Variants in STOM observed in about 807,000 individuals in gnomAD.
STOM encodes the protein stomatin.
Under a neutral mutation model 30.6 loss-of-function variants are expected in STOM, and 25 were observed. The ratio of observed to expected loss-of-function variants is 0.82; its 90% CI spans 0.60 to 1.14. The LOEUF is 1.14. STOM is among the 50% of genes most tolerant of loss of function. The pLI, the probability that STOM is intolerant of heterozygous loss-of-function variation, is 0.00. For missense variants in STOM, 292 were observed against 365.2 expected, an observed-to-expected ratio of 0.80 and a Z score of 1.63; for synonymous variants, 118 against 130.8, an observed-to-expected ratio of 0.90 and a Z score of 0.67.
At chr9:121,368,909 G>A (rs1449347921) in intron 1 of STOM, among the ~76,000 whole-genome samples, 2 of 148,792 alleles carry the variant, frequency 1.3e-5, no homozygotes, top group African/African-American at 5.0e-5. Context: ...TCCAGCCTGG[G>A]CAAGAAAAGC....
intron 1 of STOM, among the ~76,000 whole-genome samples, chr9:121,358,199 G>A (rs1382348911): frequency 6.6e-6 from 1 of 152,014 alleles, no homozygotes; most frequent in Non-Finnish European, 1.5e-5. Context: ...GCTCACGCCT[G>A]TAATCCCAGC....
At chr9:121,352,636 C>T (rs1238678579) in intron 4 of STOM, among the ~76,000 whole-genome samples, 1 of 152,188 alleles carries the variant, frequency 6.6e-6, no homozygotes, top group Admixed American at 6.5e-5. Context: ...TCAGCCATTG[C>T]TCTAAGCACT....
intron 1 of STOM, among the ~76,000 whole-genome samples, chr9:121,368,580 T>C (rs1488598546): frequency 2.0e-5 from 3 of 152,304 alleles, no homozygotes; most frequent in South Asian, 2.1e-4. Context: ...TCAAGTATAA[T>C]ATGGGGATAA....
At chr9:121,369,392 C>T (rs1445096294) in intron 1 of STOM, among the ~76,000 whole-genome samples, 3 of 152,072 alleles carry the variant, frequency 2.0e-5, no homozygotes, top group African/African-American at 7.2e-5. Context: ...TTTATTGGAA[C>T]CCCCTCCCCA....
At chr9:121,369,043 A>C (rs2064534487) in intron 1 of STOM, among the ~76,000 whole-genome samples, 1 of 152,220 alleles carries the variant, frequency 6.6e-6, no homozygotes, top group Non-Finnish European at 1.5e-5. Flanking sequence ...CCATTTGGGA[A>C]GATAACCTGC....
At chr9:121,357,736 C>T (rs545131008) in intron 1 of STOM, among the ~76,000 whole-genome samples, 7 of 152,056 alleles carry the variant, frequency 4.6e-5, no homozygotes, top group African/African-American at 1.7e-4. Context: ...CTGCGCCCGG[C>T]CTTAAATCAT....
At chr9:121,361,145 T>A (rs568297736) in intron 1 of STOM, among the ~76,000 whole-genome samples, 9 of 152,278 alleles carry the variant, frequency 5.9e-5, no homozygotes, top group Admixed American at 5.9e-4. Flanking sequence ...ATTTATAGCA[T>A]GTTGTGCTAT....
rs974692436 is a variant in STOM, at chr9:121,341,111, T to C, written c.*91A>G. The C allele has an allele frequency of 2.5e-6, 4 of 1,583,846 alleles. No individual in the cohort carries two copies. The highest frequency in any genetic ancestry group is 3.4e-6 in the Non-Finnish European group (4 of 1,163,804). On this transcript the variant is annotated 3_prime_UTR_variant, in exon 7 of 7. Coordinates refer to ENST00000286713, the MANE Select transcript of STOM (RefSeq NM_004099.6). ...TTCTGGGAACACCACAATTGACATA[T>C]GGAAAAAGAAAAGCCCTACCCTCTC...
At chr9:121,366,049 G>A in intron 1 of STOM, 1 of 888,736 alleles carries the variant, frequency 1.1e-6, no homozygotes, top group Non-Finnish European at 1.3e-6. Flanking sequence ...GTGATGGTAG[G>A]GTGATCTCAA....
At chr9:121,361,590 G>A (rs562900941) in intron 1 of STOM, among the ~76,000 whole-genome samples, 9 of 151,906 alleles carry the variant, frequency 5.9e-5, no homozygotes, top group South Asian at 4.2e-4. Flanking sequence ...GAGTTTCACC[G>A]TGTTAGCCAG....
intron 6 of STOM, among the ~76,000 whole-genome samples, chr9:121,345,823 A>T (rs2064284452): frequency 1.3e-5 from 2 of 152,200 alleles, no homozygotes; most frequent in Admixed American, 6.5e-5. Context: ...AGTCAGTACT[A>T]GAGGAGGCAA....
At position 121,370,181 on chromosome 9, in the gene STOM, C is replaced by T; in HGVS notation, c.7G>A (p.Glu3Lys). The part of the protein sequence containing the change: MA[E>K]KRHTRDSEAQ... ...TCGGAGTCCCGTGTGTGCCGCTTCT[C>T]GGCCATGCTGCCCGAGACGCAGTCG... The change falls in exon 1 of 7, where the codon GAG (glutamate) becomes AAG (lysine). Residue 3 changes from glutamate (E) to lysine (K), a missense_variant. Coordinates refer to ENST00000286713, the MANE Select transcript of STOM (RefSeq NM_004099.6). 1 of 1,548,056 alleles carries T rather than the reference C, an allele frequency of 6.5e-7. No homozygotes were observed. Among genetic ancestry groups the T allele is most frequent in the Middle Eastern group, 1.7e-4 (1 of 5,736 alleles).
At position 121,340,910 on chromosome 9, in the gene STOM, G is replaced by A. The variant is rs1241515491; in HGVS notation, c.*292C>T. 8.2e-7 allele frequency: 1 copy of A among 1,221,336 alleles called. No homozygotes were observed. Among genetic ancestry groups the A allele is most frequent in the African/African-American group, 1.5e-5 (1 of 64,620 alleles). 75.7% of individuals were successfully genotyped at this position (1,221,336 alleles called of 1,614,324 possible). The stretch of plus-strand genomic sequence containing the variant: ...CTTGCCTCTGGCCTGGGTGCTTAGG[G>A]GGTTCAGAATGAGTCAGTGGAAGTC... On this transcript the variant is annotated 3_prime_UTR_variant, in exon 7 of 7. Coordinates refer to ENST00000286713, the MANE Select transcript of STOM (RefSeq NM_004099.6).
intron 5 of STOM, 124 bp downstream of exon 5, chr9:121,348,996 A>G: frequency 1.8e-6 from 2 of 1,142,216 alleles, no homozygotes; most frequent in Non-Finnish European, 2.4e-6. Context: ...AAATTTTACT[A>G]TGAAGAAAAA....
intron 2 of STOM, among the ~76,000 whole-genome samples, chr9:121,355,252 AATAAT>A (rs2064376410): frequency 7.7e-6 from 1 of 130,582 alleles, no homozygotes; most frequent in East Asian, 2.7e-4. Context: ...AAAAAAAAAT[AATAAT>A]AATAATAATA....
At chr9:121,368,002 T>A (rs1162419197) in intron 1 of STOM, among the ~76,000 whole-genome samples, 2 of 152,222 alleles carry the variant, frequency 1.3e-5, no homozygotes, top group Admixed American at 1.3e-4. Context: ...ACTTTTTCCT[T>A]GTAGAGCTGT....
At chr9:121,351,841 A>G (rs1437177033) in intron 4 of STOM, among the ~76,000 whole-genome samples, 1 of 152,348 alleles carries the variant, frequency 6.6e-6, no homozygotes, top group African/African-American at 2.4e-5. Context: ...AAAAGGCACA[A>G]AATAATCACT....
chr9:121,357,437 A>ATATATATATATATATATATATATATT (rs1318433915), intron 1 of STOM, among the ~76,000 whole-genome samples: 167 of 90,922 alleles, frequency 1.8e-3, no homozygotes, highest in African/African-American at 5.6e-3. Flanking sequence ...ATATATATAT[A>ATATATATATATATATATATATATATT]TATTTATTTA....
At chr9:121,355,806 C>T (rs1484019810) in intron 2 of STOM, among the ~76,000 whole-genome samples, 1 of 152,120 alleles carries the variant, frequency 6.6e-6, no homozygotes, top group Non-Finnish European at 1.5e-5. Flanking sequence ...CATCCCTGGC[C>T]CCAGGAAATT....
Sources: gnomAD v4.1 joint callset for allele counts (sites outside exome capture counted in the v4.1 genomes callset) on GRCh38, gnomAD v4.1.1 for gene constraint, MANE v1.5 for transcripts, NCBI Gene and HGNC (gene_info 2026-07-23, HGNC 2026-07-21) for gene names.